The following SLC2A14 variants were observed in gnomAD, a reference collection of about 807,000 sequenced individuals.
SLC2A14 encodes solute carrier family 2 member 14.
A neutral mutation model predicts 43.0 loss-of-function variants in SLC2A14; 13 were observed. That is an observed-to-expected ratio of 0.30 (90% CI 0.20 to 0.48). The LOEUF is 0.48. Ranked by LOEUF, SLC2A14 falls within the 20% of genes least tolerant of loss-of-function variation. The probability of loss-of-function intolerance (pLI) is 0.99; values close to 1 mark genes in which losing one functional copy is unlikely to be tolerated. For synonymous variants in SLC2A14, 190 were observed against 233.8 expected, an observed-to-expected ratio of 0.81 and a Z score of 1.71; for missense variants, 428 against 620.4, an observed-to-expected ratio of 0.69 and a Z score of 3.29.
At chr12:7,881,549 A>AT (rs750275065) in intron 1 of SLC2A14, among the ~76,000 whole-genome samples, 1 of 152,212 alleles carries the variant, frequency 6.6e-6, no homozygotes, top group East Asian at 1.9e-4. Flanking sequence ...GCAGCCCGCC[A>AT]TGCCTGAGCC....
intron 2 of SLC2A14, 148 bp from the exon 3 acceptor site, chr12:7,832,962 A>G (rs1210946970): frequency 1.5e-6 from 1 of 679,166 alleles, no homozygotes; most frequent in Non-Finnish European, 2.5e-6. Context: ...TAGGTAATTA[A>G]TCGGGAAGAC....
chr12:7,820,695 T>C (rs1193402148), intron 8 of SLC2A14, among the ~76,000 whole-genome samples: 1 of 147,232 alleles, frequency 6.8e-6, no homozygotes, highest in East Asian at 2.0e-4. Flanking sequence ...ACATACTGTA[T>C]AGTCCCTTCT....
intron 2 of SLC2A14, among the ~76,000 whole-genome samples, chr12:7,837,634 G>A (rs1439329795): frequency 0.018 from 10 of 544 alleles, no homozygotes; most frequent in South Asian, 0.17. Flanking sequence ...GTGAAACTTC[G>A]TCTCAAAAAA....
At chr12:7,874,909 AC>A (rs1353544301), upstream of SLC2A14, among the ~76,000 whole-genome samples, 2 of 105,970 alleles carry the variant, frequency 1.9e-5, no homozygotes, top group African/African-American at 4.2e-5. Context: ...ATATATAAAT[AC>A]ATATATAAAT....
chr12:7,856,432 T>C (rs1288546271), intron 2 of SLC2A14: 1 of 152,184 alleles, frequency 6.6e-6, no homozygotes, highest in Non-Finnish European at 1.5e-5. Flanking sequence ...TAGCCAGTTA[T>C]TGCACTCCAG....
intron 2 of SLC2A14, among the ~76,000 whole-genome samples, chr12:7,867,262 C>G (rs768198580): frequency 1.4e-4 from 17 of 118,958 alleles, no homozygotes; most frequent in Non-Finnish European, 2.4e-4. Flanking sequence ...GCCTGGGCGA[C>G]AGAGGGAGAC....
Position 7,832,743 on chromosome 12 carries a change from C to G in SLC2A14, c.90G>C (p.Gly30=). 1 of 1,614,080 alleles carries G rather than the reference C, an allele frequency of 6.2e-7. No homozygotes were observed. Among genetic ancestry groups the G allele is most frequent in the Non-Finnish European group, 8.5e-7 (1 of 1,180,000 alleles). The part of the protein sequence containing the change: ...IGSFQFGYNT[G]VINAPETIIK... ...TCACCGTCTCAGGAGCATTGATGAC[C>G]CCAGTGTTGTAGCCAAACTGGAAAG... The change falls in exon 3 of 11, where the codon GGG becomes GGC. Residue 30 remains glycine (G), a synonymous_variant. Coordinates refer to ENST00000431042, the MANE Select transcript of SLC2A14 (RefSeq NM_001286234.2).
chr12:7,837,660 G>T, intron 2 of SLC2A14, among the ~76,000 whole-genome samples: 1 of 47,694 alleles, frequency 2.1e-5, no homozygotes, highest in Non-Finnish European at 4.2e-5. Context: ...AAAAAAAGAT[G>T]GTTCACATGG....
Position 7,816,137 on chromosome 12 carries a change from G to A in SLC2A14, c.1276-1603C>T, listed in dbSNP as rs1446399306. ...TTTTGAGACGGAGTCTCGCTCTGTC[G>A]CCCAGGCCGGACTGCGGACTGCAGT... On this transcript the variant is annotated intron_variant, in intron 10 of 10. Coordinates refer to ENST00000431042, the MANE Select transcript of SLC2A14 (RefSeq NM_001286234.2). 6.0e-5 allele frequency among the ~76,000 whole-genome samples: 3 copies of A among 49,644 alleles called. 1 individual carries two copies. The highest frequency in any genetic ancestry group is 5.4e-4 in the Admixed American group (2 of 3,736). 32.6% of individuals were successfully genotyped at this position (49,644 alleles called of 152,430 possible).
Position 7,817,937 on chromosome 12 carries a change from A to G in SLC2A14, c.1169T>C (p.Val390Ala). The part of the protein sequence containing the change: ...IGPGPIPWFI[V>A]AELFSQGPRP... ...GGGGCCCTGGCTGAAGAGTTCGGCCACAATAAACCAGGGAATGGGGCCTGG... is the reference window on the plus strand; with the variant it reads ...GGGGCCCTGGCTGAAGAGTTCGGCCGCAATAAACCAGGGAATGGGGCCTGG... The change falls in exon 10 of 11, where the codon GTG becomes GCG. Residue 390 changes from valine to alanine, a missense_variant. Val to Ala is a moderately conservative substitution (Grantham distance 64). This residue lies in a region of SLC2A14 where 119 missense variants were observed against 188.7 expected (regional missense o/e 0.63). Transcript: ENST00000431042. 6.2e-7 allele frequency: 1 copy of G among 1,614,210 alleles called. No homozygotes were observed. Among genetic ancestry groups the G allele is most frequent in the South Asian group, 1.1e-5 (1 of 91,084 alleles).
At chr12:7,832,895 G>A in intron 2 of SLC2A14, 81 bp from the exon 3 acceptor site, 1 of 1,384,956 alleles carries the variant, frequency 7.2e-7, no homozygotes, top group Non-Finnish European at 1.0e-6. Flanking sequence ...TTATGGAGCT[G>A]TATTAGGAGA....
At chr12:7,875,773 G>C (rs917599231), upstream of SLC2A14, among the ~76,000 whole-genome samples, 1 of 152,094 alleles carries the variant, frequency 6.6e-6, no homozygotes, top group African/African-American at 2.4e-5. Context: ...AGGCGTTCAA[G>C]ACCAGCCTGG....
intron 1 of SLC2A14, among the ~76,000 whole-genome samples, chr12:7,878,837 C>T (rs957016491): frequency 6.6e-6 from 1 of 151,524 alleles, no homozygotes; most frequent in Non-Finnish European, 1.5e-5. Flanking sequence ...ATTAGCTGGG[C>T]ATGCTGGCAC....
upstream of SLC2A14, among the ~76,000 whole-genome samples, chr12:7,875,135 T>TTAAATATTATATTTAAAATTAAACATATA (rs1945435616): frequency 9.1e-6 from 1 of 109,452 alleles, no homozygotes; most frequent in East Asian, 2.3e-4. Context: ...TTAAATATAT[T>TTAAATATTATATTTAAAATTAAACATATA]TAAATATTAT....
At chr12:7,816,334 G>C (rs1441722383) in intron 10 of SLC2A14, among the ~76,000 whole-genome samples, 1 of 49,634 alleles carries the variant, frequency 2.0e-5, no homozygotes, top group African/African-American at 8.8e-5. Context: ...TCGATCTCCT[G>C]ACCTCATGAT....
At chr12:7,824,656 C>G (rs1294870275) in intron 7 of SLC2A14, among the ~76,000 whole-genome samples, 1 of 150,192 alleles carries the variant, frequency 6.7e-6, no homozygotes, top group African/African-American at 2.5e-5. Flanking sequence ...TCACTTGAAC[C>G]CAGGAGGTGG....
At chr12:7,857,818 G>C (rs1281501073) in intron 2 of SLC2A14, among the ~76,000 whole-genome samples, 1 of 151,886 alleles carries the variant, frequency 6.6e-6, no homozygotes, top group African/African-American at 2.4e-5. Context: ...GTGCTGCTGG[G>C]CCTGGCCCAT....
chr12:7,844,622 C>T (rs1866305245), intron 2 of SLC2A14, among the ~76,000 whole-genome samples: 2 of 151,570 alleles, frequency 1.3e-5, no homozygotes, highest in Admixed American at 6.6e-5. Flanking sequence ...TTGCAGCCTC[C>T]ACCTCCCAGG....
chr12:7,817,757 T>G, intron 10 of SLC2A14, 74 bp downstream of exon 10: 3 of 1,372,572 alleles, frequency 2.2e-6, no homozygotes, highest in Non-Finnish European at 3.0e-6. Flanking sequence ...TATATATAGA[T>G]AGATAGATAG....
Sources: gnomAD v4.1 joint callset for allele counts (sites outside exome capture counted in the v4.1 genomes callset) on GRCh38, gnomAD v4.1.1 for gene constraint, gnomAD v4.1.1 regional missense constraint, MANE v1.5 for transcripts, NCBI Gene and HGNC (gene_info 2026-07-23, HGNC 2026-07-21) for gene names.